Variants in RABGAP1 observed in about 807,000 individuals in gnomAD.
RABGAP1 encodes the protein RAB GTPase activating protein 1.
A neutral mutation model predicts 137.6 loss-of-function variants in RABGAP1; 23 were observed. The ratio of observed to expected loss-of-function variants is 0.17; its 90% CI spans 0.12 to 0.24. The LOEUF is 0.24. RABGAP1 is among the 10% of genes least tolerant of loss of function. The probability of loss-of-function intolerance (pLI) is 1.00; values close to 1 mark genes in which losing one functional copy is unlikely to be tolerated. For missense variants in RABGAP1, 906 were observed against 1,275.8 expected (o/e 0.71, Z 4.42); for synonymous variants, 451 against 450.7 (o/e 1.00, Z -0.01).
chr9:123,056,874 A>G (rs969705145), intron 13 of RABGAP1, among the ~76,000 whole-genome samples: 1 of 152,236 alleles, frequency 6.6e-6, no homozygotes, highest in Non-Finnish European at 1.5e-5. Flanking sequence ...TCCCATGTCT[A>G]CTTTCTACAC....
chr9:123,093,989 G>A (rs939169767), intron 21 of RABGAP1, among the ~76,000 whole-genome samples: 6 of 152,098 alleles, frequency 3.9e-5, no homozygotes, highest in Non-Finnish European at 8.8e-5. Context: ...TTTACAAGAC[G>A]TGCATGTTTT....
At chr9:123,015,407 C>A in intron 11 of RABGAP1, 136 bp from the exon 12 acceptor site, 1 of 482,492 alleles carries the variant, frequency 2.1e-6, no homozygotes. Context: ...TGTACCTATC[C>A]ATAAATACTA....
At chr9:122,973,249 T>A (rs892663389) in intron 2 of RABGAP1, among the ~76,000 whole-genome samples, 1 of 151,998 alleles carries the variant, frequency 6.6e-6, no homozygotes, top group Non-Finnish European at 1.5e-5. Context: ...TACTTTTTTT[T>A]GCTTTTGAGA....
intron 13 of RABGAP1, among the ~76,000 whole-genome samples, chr9:123,049,114 T>C (rs2275511): frequency 0.077 from 11,795 of 152,298 alleles, 1,630 homozygotes; most frequent in East Asian, 0.62. Flanking sequence ...GTCATCTGCT[T>C]TTCTATTTCA....
At chr9:122,983,743 G>C (rs1251186063) in intron 2 of RABGAP1, among the ~76,000 whole-genome samples, 3 of 152,066 alleles carry the variant, frequency 2.0e-5, no homozygotes, top group Admixed American at 2.0e-4. Flanking sequence ...TATTTCTTAA[G>C]CATTTAGTGA....
chr9:123,062,279 A>G (rs2034006549), intron 13 of RABGAP1: 1 of 152,156 alleles, frequency 6.6e-6, no homozygotes, highest in Non-Finnish European at 1.5e-5. Flanking sequence ...AAAGGAATAT[A>G]TATTGTTGTA....
intron 19 of RABGAP1, among the ~76,000 whole-genome samples, chr9:123,078,900 A>G (rs922996005): frequency 7.9e-5 from 12 of 152,164 alleles, no homozygotes; most frequent in African/African-American, 2.9e-4. Context: ...GCTCTTCTCT[A>G]TCGCATGTCT....
At chr9:123,096,772 A>T (rs10818786) in intron 21 of RABGAP1, among the ~76,000 whole-genome samples, 21,702 of 152,140 alleles carry the variant, frequency 0.14, 2,116 homozygotes, top group Middle Eastern at 0.21. Context: ...GGGTTTCACT[A>T]TGTTGGCCAG....
rs1588281994 is a variant in RABGAP1 at position 123,020,317 on chromosome 9, A to G, written c.1652A>G (p.Asn551Ser). ...TATGGCCTTATTTTTAGGCATCTCA[A>G]CTTGAATGTGAGACCGAAGCAGTTG... ...WGELLSKWHLNLNVRPKQLSS... is the reference protein window; with the variant it reads ...WGELLSKWHLSLNVRPKQLSS... Residue 551 changes from asparagine (N) to serine (S), a missense_variant, in exon 13 of 26, where the codon AAC becomes AGC. Asn to Ser is a conservative substitution (Grantham distance 46). Around this residue, in one of 9 missense-constraint regions of RABGAP1, gnomAD observed 212 missense variants for 289.4 expected, o/e 0.73. Coordinates refer to ENST00000373647, the MANE Select transcript of RABGAP1 (RefSeq NM_012197.4). 7.1e-6 allele frequency: 11 copies of G among 1,551,806 alleles called. No individual in the cohort carries two copies. The East Asian group carries it at 2.3e-4, about 33-fold the overall frequency.
chr9:123,057,564 C>A (rs1043259076), intron 13 of RABGAP1, among the ~76,000 whole-genome samples: 34 of 151,350 alleles, frequency 2.2e-4, no homozygotes, highest in African/African-American at 7.3e-4. Context: ...TCCTCACTTT[C>A]CAGACTGGGC....
chr9:123,056,832 AT>A, intron 13 of RABGAP1, among the ~76,000 whole-genome samples: 1 of 152,238 alleles, frequency 6.6e-6, no homozygotes, highest in South Asian at 2.1e-4. Flanking sequence ...AGGCAGAAGA[AT>A]TTTTCTTAGT....
At position 122,986,249 on chromosome 9, in the gene RABGAP1, C is replaced by T. The variant is rs151226317; in HGVS notation, c.420C>T (p.Ala140=). 118 of 1,614,108 alleles carry T rather than the reference C, an allele frequency of 7.3e-5. No homozygotes were observed. The East Asian group carries it at 8.5e-4, about 12-fold the overall frequency. Residue 140 remains alanine, a synonymous_variant, in exon 4 of 26, where the codon GCC becomes GCT. Transcript: ENST00000373647. ...CTTCAAGTCCTTTCACACCAGTGGC[C>T]GATGAGGACAGCGTAGTTTTCAGTA... ...SEASSPFTPV[A]DEDSVVFSKL...
At chr9:123,053,309 T>G (rs142201277) in intron 13 of RABGAP1, among the ~76,000 whole-genome samples, 18 of 152,348 alleles carry the variant, frequency 1.2e-4, no homozygotes, top group Non-Finnish European at 1.6e-4. Context: ...AGTCTTATTC[T>G]CATTCTTTAT....
intron 12 of RABGAP1, among the ~76,000 whole-genome samples, chr9:123,018,714 C>T (rs960047755): frequency 7.2e-5 from 11 of 152,172 alleles, no homozygotes; most frequent in Non-Finnish European, 1.5e-4. Flanking sequence ...CATTAGGGCA[C>T]CAGTGTCACA....
At chr9:123,002,427 A>G (rs1837372224) in intron 10 of RABGAP1, among the ~76,000 whole-genome samples, 1 of 149,910 alleles carries the variant, frequency 6.7e-6, no homozygotes, top group African/African-American at 2.4e-5. Flanking sequence ...TAAAAGTTGT[A>G]TGTAAAAATA....
chr9:123,057,954 G>C (rs1040651374), intron 13 of RABGAP1, among the ~76,000 whole-genome samples: 1 of 151,762 alleles, frequency 6.6e-6, no homozygotes, highest in Non-Finnish European at 1.5e-5. Flanking sequence ...TGGGCAGGCC[G>C]AGGCAGGAGA....
chr9:123,011,909 T>A (rs1197254243), intron 11 of RABGAP1, among the ~76,000 whole-genome samples: 2 of 152,190 alleles, frequency 1.3e-5, no homozygotes, highest in African/African-American at 4.8e-5. Context: ...GAGCCAAGGC[T>A]GCGCCATTTG....
intron 10 of RABGAP1, among the ~76,000 whole-genome samples, chr9:123,008,544 C>CAAAAAAAA (rs34127466): frequency 1.9e-5 from 1 of 53,130 alleles, no homozygotes; most frequent in Non-Finnish European, 4.0e-5. Context: ...GACTCCATCT[C>CAAAAAAAA]AAAAAAAAAA....
intron 13 of RABGAP1, among the ~76,000 whole-genome samples, chr9:123,044,634 T>TGC (rs1165859935): frequency 2.7e-4 from 41 of 151,808 alleles, no homozygotes; most frequent in African/African-American, 7.3e-4. Context: ...TACGTGTGTG[T>TGC]GTGTGTGTGT....
Sources: allele counts gnomAD v4.1 joint callset (sites outside exome capture counted in the v4.1 genomes callset), GRCh38; gene constraint gnomAD v4.1.1; regional missense constraint gnomAD v4.1.1; transcripts MANE v1.5; gene names NCBI Gene and HGNC (gene_info 2026-07-23, HGNC 2026-07-21).